Variants in NUSAP1 observed in about 807,000 individuals in gnomAD.
NUSAP1 encodes the protein nucleolar and spindle associated protein 1, also known as nucleolar and spindle-associated protein 1.
Under a neutral mutation model 52.8 loss-of-function variants are expected in NUSAP1, and 32 were observed. The observed-to-expected ratio is 0.61, with a 90% CI of 0.46 to 0.81. NUSAP1 has a LOEUF of 0.81. NUSAP1 is among the 40% of genes least tolerant of loss of function. NUSAP1 has a pLI of 0.00. For missense variants in NUSAP1, 499 were observed against 522.3 expected (o/e 0.96, Z 0.43); for synonymous variants, 195 against 183.1 (o/e 1.06, Z -0.52).
intron 2 of NUSAP1, chr15:41,344,288 G>C (rs769244027): frequency 6.6e-6 from 1 of 151,244 alleles, no homozygotes; most frequent in Non-Finnish European, 1.5e-5. Context: ...TAACTCAAAG[G>C]TACTGCTTCT....
intron 8 of NUSAP1, among the ~76,000 whole-genome samples, chr15:41,374,676 C>T (rs887116964): frequency 1.3e-5 from 2 of 150,610 alleles, no homozygotes; most frequent in Admixed American, 6.6e-5. Context: ...TTTGGGCACA[C>T]GCTGCCACGC....
Position 41,377,093 on chromosome 15 carries a change from A to C in NUSAP1, c.1124-103A>C, listed in dbSNP as rs559870262. The C allele has an allele frequency of 7.7e-5, 50 of 646,372 alleles. No homozygotes were observed. In the East Asian group the frequency reaches 1.5e-3, roughly 19 times the overall value. The allele number at this position is 646,372 out of a possible 1,614,324, so 40.0% of individuals were successfully genotyped here. A position where few individuals can be genotyped will look rare whatever the true frequency, so the allele number is the denominator to read the frequency against. ...GAGATTCTGTCTCAAAGAAAAAAAA[A>C]GTATAAATGTTGATAGCAGGTAACC... On this transcript the variant is annotated intron_variant, in intron 9 of 10. Transcript: ENST00000559596.
intron 1 of NUSAP1, among the ~76,000 whole-genome samples, chr15:41,336,654 T>TTGTTTTTTTTTTTGTTTG (rs1555426231): frequency 7.0e-6 from 1 of 143,626 alleles, no homozygotes; most frequent in Non-Finnish European, 1.5e-5. Context: ...TTTGGTTTTT[T>TTGTTTTTTTTTTTGTTTG]TTTTTTTTTT....
chr15:41,376,799 A>T (rs936962506), intron 9 of NUSAP1, among the ~76,000 whole-genome samples: 1 of 149,190 alleles, frequency 6.7e-6, no homozygotes, highest in Non-Finnish European at 1.5e-5. Flanking sequence ...AATTGGTTGG[A>T]CACAGTGGCT....
chr15:41,368,049 C>CTTTTA (rs1361618451), intron 7 of NUSAP1, among the ~76,000 whole-genome samples: 5 of 152,166 alleles, frequency 3.3e-5, no homozygotes, highest in African/African-American at 9.6e-5. Context: ...ATAGTGAAAG[C>CTTTTA]TGTCTCCAAA....
intron 1 of NUSAP1, among the ~76,000 whole-genome samples, chr15:41,335,967 A>G (rs906051198): frequency 6.6e-6 from 1 of 151,052 alleles, no homozygotes; most frequent in African/African-American, 2.4e-5. Context: ...ATATTATTAA[A>G]AATAAATTTA....
chr15:41,334,132 T>G (rs1429910317), intron 1 of NUSAP1, among the ~76,000 whole-genome samples: 1 of 152,186 alleles, frequency 6.6e-6, no homozygotes, highest in African/African-American at 2.4e-5. Context: ...GTTTGTTTTT[T>G]CTTTGAGACG....
At chr15:41,359,462 A>G (rs1273006013) in intron 6 of NUSAP1, among the ~76,000 whole-genome samples, 1 of 152,162 alleles carries the variant, frequency 6.6e-6, no homozygotes, top group Non-Finnish European at 1.5e-5. Flanking sequence ...ACCATCAGTC[A>G]CTCAGCTGAG....
intron 1 of NUSAP1, among the ~76,000 whole-genome samples, chr15:41,334,351 T>G (rs2048039344): frequency 6.6e-6 from 1 of 152,148 alleles, no homozygotes; most frequent in Non-Finnish European, 1.5e-5. Context: ...ACTCCTGACT[T>G]CCTGATCCGC....
intron 9 of NUSAP1, among the ~76,000 whole-genome samples, chr15:41,376,652 C>A (rs189149331): frequency 1.3e-5 from 2 of 151,924 alleles, no homozygotes; most frequent in Non-Finnish European, 1.5e-5. Context: ...GACCACACCA[C>A]TGCACTCCAG....
intron 1 of NUSAP1, among the ~76,000 whole-genome samples, chr15:41,334,642 GT>G (rs1276522054): frequency 6.6e-6 from 1 of 151,920 alleles, no homozygotes; most frequent in African/African-American, 2.4e-5. Context: ...ATCTATCTTT[GT>G]CCCATTGCTC....
At chr15:41,342,635 C>T (rs1010643484) in intron 2 of NUSAP1, among the ~76,000 whole-genome samples, 181 bp downstream of exon 2, 3 of 152,028 alleles carry the variant, frequency 2.0e-5, no homozygotes, top group African/African-American at 7.2e-5. Context: ...TCCAGGAGTT[C>T]GAGACCAGCC....
Position 41,356,263 on chromosome 15 carries a change from G to C in NUSAP1, c.550+123G>C. ...TACATTCTAGTTCTCTCGTCTTTTA[G>C]GTTTGATATCTTGGGGAACTTACTC... On this transcript the variant is annotated intron_variant, in intron 5 of 10. Coordinates refer to ENST00000559596, the MANE Select transcript of NUSAP1 (RefSeq NM_016359.5). The C allele has an allele frequency of 5.9e-6, 4 of 672,732 alleles. No individual in the cohort carries two copies. The South Asian group carries it at 6.6e-5, about 11-fold the overall frequency. The allele number at this position is 672,732 out of a possible 1,614,324, so 41.7% of individuals were successfully genotyped here.
At chr15:41,339,620 G>A (rs2048304375) in intron 1 of NUSAP1, among the ~76,000 whole-genome samples, 3 of 151,696 alleles carry the variant, frequency 2.0e-5, no homozygotes, top group South Asian at 4.2e-4. Flanking sequence ...ATATTGTTCA[G>A]GCTGGTCTGG....
At chr15:41,359,258 C>T (rs1296882492) in intron 6 of NUSAP1, among the ~76,000 whole-genome samples, 1 of 152,112 alleles carries the variant, frequency 6.6e-6, no homozygotes, top group Non-Finnish European at 1.5e-5. Context: ...GTGTGAGCCA[C>T]CAGATTATAT....
At chr15:41,361,541 T>A (rs1379354597) in intron 6 of NUSAP1, among the ~76,000 whole-genome samples, 6 of 152,110 alleles carry the variant, frequency 3.9e-5, no homozygotes, top group Admixed American at 6.6e-5. Flanking sequence ...GGCAATACAG[T>A]GAGACTCCAT....
rs762608223 is a variant in NUSAP1 at position 41,358,218 on chromosome 15, A to G, written c.620A>G (p.Lys207Arg). ...ATTGATCAATATATTGAGAGAAAAA[A>G]GAAACATTTTGAAGAACACAATTCC... is the stretch of plus-strand genomic sequence containing the variant. ...ESIDQYIERK[K>R]KHFEEHNSMN... Residue 207 changes from lysine to arginine, a missense_variant, in exon 6 of 11, where the codon AAG becomes AGG. Coordinates refer to ENST00000559596, the MANE Select transcript of NUSAP1 (RefSeq NM_016359.5). 5.7e-6 allele frequency: 9 copies of G among 1,572,966 alleles called. No individual in the cohort carries two copies. In the South Asian group the frequency reaches 7.9e-5, roughly 14 times the overall value.
At chr15:41,347,389 G>A (rs2048615675) in intron 2 of NUSAP1, among the ~76,000 whole-genome samples, 1 of 152,162 alleles carries the variant, frequency 6.6e-6, no homozygotes. Flanking sequence ...ATCAGACAAA[G>A]GCTCCTGCCT....
intron 6 of NUSAP1, among the ~76,000 whole-genome samples, chr15:41,358,980 C>G (rs1446203168): frequency 6.6e-6 from 1 of 152,120 alleles, no homozygotes; most frequent in Non-Finnish European, 1.5e-5. Context: ...CCACAGGACT[C>G]AAAGCCTCCT....
Sources: allele counts gnomAD v4.1 joint callset (sites outside exome capture counted in the v4.1 genomes callset), GRCh38; gene constraint gnomAD v4.1.1; transcripts MANE v1.5; gene names NCBI Gene and HGNC (gene_info 2026-07-23, HGNC 2026-07-21).